FAF1: variants seen among roughly 807,000 people sequenced by gnomAD.
FAF1 encodes FAS-associated factor 1.
A neutral mutation model predicts 92.5 loss-of-function variants in FAF1; 25 were observed. The observed-to-expected ratio is 0.27, with a 90% confidence interval of 0.20 to 0.38. The LOEUF is 0.38. Ranked by LOEUF, FAF1 falls within the 10% of genes least tolerant of loss-of-function variation. The pLI is 1.00. For missense variants in FAF1, 636 were observed against 793.3 expected (o/e 0.80, Z 2.38); for synonymous variants, 234 against 273.2 (o/e 0.86, Z 1.42).
At chr1:50,706,898 A>T (rs948654113) in intron 6 of FAF1, among the ~76,000 whole-genome samples, 1 of 152,192 alleles carries the variant, frequency 6.6e-6, no homozygotes, top group African/African-American at 2.4e-5. Flanking sequence ...CACACACAAC[A>T]TAAAGATCAG....
At chr1:50,928,531 C>G (rs1330995512) in intron 1 of FAF1, among the ~76,000 whole-genome samples, 1 of 151,984 alleles carries the variant, frequency 6.6e-6, no homozygotes, top group Non-Finnish European at 1.5e-5. Context: ...TGCCTGTAAT[C>G]CCAGCACTTT....
intron 7 of FAF1, among the ~76,000 whole-genome samples, chr1:50,679,588 G>A (rs1172223912): frequency 1.3e-5 from 2 of 152,004 alleles, no homozygotes; most frequent in African/African-American, 2.4e-5. Flanking sequence ...ACCAATAAAT[G>A]GCACTACCAT....
intron 13 of FAF1, among the ~76,000 whole-genome samples, 197 bp from the exon 14 acceptor site, chr1:50,539,925 G>A (rs917138779): frequency 6.6e-6 from 1 of 152,038 alleles, no homozygotes; most frequent in Non-Finnish European, 1.5e-5. Flanking sequence ...TAGAAAAGCA[G>A]GAAGCATACC....
At chr1:50,685,374 AGAGTCC>A (rs1656611715) in intron 7 of FAF1, among the ~76,000 whole-genome samples, 1 of 152,232 alleles carries the variant, frequency 6.6e-6, no homozygotes, top group Non-Finnish European at 1.5e-5. Context: ...TTACTGATAA[AGAGTCC>A]GTGTAGCGAG....
intron 2 of FAF1, among the ~76,000 whole-genome samples, chr1:50,822,394 C>T (rs944311677): frequency 1.3e-5 from 2 of 152,070 alleles, no homozygotes; most frequent in African/African-American, 4.8e-5. Context: ...TGAGTGAAAA[C>T]CAAATAGCAG....
intron 7 of FAF1, among the ~76,000 whole-genome samples, chr1:50,701,116 A>C (rs1021355430): frequency 6.6e-6 from 1 of 152,136 alleles, no homozygotes; most frequent in Non-Finnish European, 1.5e-5. Flanking sequence ...TTCACTGCCC[A>C]GTTGCAGAAG....
At chr1:50,611,168 T>C (rs1033321602) in intron 8 of FAF1, among the ~76,000 whole-genome samples, 10 of 152,246 alleles carry the variant, frequency 6.6e-5, no homozygotes, top group African/African-American at 2.2e-4. Context: ...TTGTTAATTC[T>C]TTTGTGTCAA....
chr1:50,496,421 G>A (rs895023710), intron 15 of FAF1, among the ~76,000 whole-genome samples: 3 of 152,130 alleles, frequency 2.0e-5, no homozygotes, highest in African/African-American at 7.2e-5. Context: ...CAGAAAGAAA[G>A]AAATAAAGAA....
intron 8 of FAF1, among the ~76,000 whole-genome samples, chr1:50,630,702 A>C (rs938244019): frequency 4.6e-5 from 7 of 152,122 alleles, no homozygotes. Context: ...GGATAACCAC[A>C]GTATTGAAAA....
chr1:50,934,742 G>A (rs1457432704), intron 1 of FAF1, among the ~76,000 whole-genome samples: 2 of 152,056 alleles, frequency 1.3e-5, no homozygotes, highest in East Asian at 3.8e-4. Flanking sequence ...ATAAGTGACT[G>A]AAAAAATTTT....
At chr1:50,646,658 T>C (rs1344905779) in intron 8 of FAF1, among the ~76,000 whole-genome samples, 9 of 152,188 alleles carry the variant, frequency 5.9e-5, no homozygotes, top group Admixed American at 2.6e-4. Context: ...TTAGCAAAAT[T>C]GGTTGTTCCC....
intron 1 of FAF1, among the ~76,000 whole-genome samples, chr1:50,906,704 G>T (rs1644841804): frequency 6.6e-6 from 1 of 152,192 alleles, no homozygotes. Flanking sequence ...GTATAGGAAT[G>T]CCTGTGATTT....
At chr1:50,873,022 C>A (rs1434180630) in intron 1 of FAF1, among the ~76,000 whole-genome samples, 1 of 152,158 alleles carries the variant, frequency 6.6e-6, no homozygotes, top group Non-Finnish European at 1.5e-5. Context: ...CTAGAGCCAC[C>A]CCAACTTTCA....
intron 2 of FAF1, among the ~76,000 whole-genome samples, chr1:50,819,002 C>G (rs1482042433): frequency 6.6e-6 from 1 of 151,806 alleles, no homozygotes; most frequent in Non-Finnish European, 1.5e-5. Flanking sequence ...AGACTGTGAC[C>G]CATCACATAA....
chr1:50,853,936 G>C (rs974083861), intron 2 of FAF1, among the ~76,000 whole-genome samples: 1 of 151,980 alleles, frequency 6.6e-6, no homozygotes, highest in Admixed American at 6.6e-5. Flanking sequence ...GGACAAAATA[G>C]ATCCTTCAGA....
intron 7 of FAF1, among the ~76,000 whole-genome samples, chr1:50,681,675 T>G (rs1249562930): frequency 8.3e-6 from 1 of 120,622 alleles, no homozygotes; most frequent in East Asian, 2.2e-4. Flanking sequence ...GTAATCCCTA[T>G]TTTTTTTTTT....
rs1478991086 is a variant in FAF1, at chr1:50,439,914, G to C, written c.*1526C>G. ...CCATACCTAGGCAGATGTAGCACTA[G>C]TCTGTGCTAGATAGTAATCTGGAGA... is the stretch of plus-strand genomic sequence containing the variant. On this transcript the variant is annotated 3_prime_UTR_variant, in exon 19 of 19. Coordinates refer to ENST00000396153, the MANE Select transcript of FAF1 (RefSeq NM_007051.3). The C allele has an allele frequency of 6.6e-6, 1 of 152,222 alleles. No individual in the cohort carries two copies. Among genetic ancestry groups the C allele is most frequent in the Non-Finnish European group, 1.5e-5 (1 of 68,062 alleles). The allele number at this position is 152,222 out of a possible 1,614,324, so 9.4% of individuals were successfully genotyped here. A position where few individuals can be genotyped will look rare whatever the true frequency, so the allele number is the denominator to read the frequency against.
chr1:50,625,954 A>G (rs745702132), intron 8 of FAF1, among the ~76,000 whole-genome samples: 1 of 152,354 alleles, frequency 6.6e-6, no homozygotes, highest in South Asian at 2.1e-4. Context: ...GGAGAAAGTT[A>G]TAAGAGTCTA....
chr1:50,882,665 T>A (rs990689533), intron 1 of FAF1, among the ~76,000 whole-genome samples: 1 of 151,254 alleles, frequency 6.6e-6, no homozygotes, highest in Non-Finnish European at 1.5e-5. Context: ...TGTATGTATG[T>A]ATGTGTAAAC....
Sources: gnomAD v4.1 joint callset for allele counts (sites outside exome capture counted in the v4.1 genomes callset) on GRCh38, gnomAD v4.1.1 for gene constraint, MANE v1.5 for transcripts, NCBI Gene and HGNC (gene_info 2026-07-23, HGNC 2026-07-21) for gene names.